The following CATSPERE variants were observed in gnomAD, a reference collection of about 807,000 sequenced individuals.
The protein encoded by CATSPERE is catsper channel auxiliary subunit epsilon.
A neutral mutation model predicts 114.1 loss-of-function variants in CATSPERE; 93 were observed. The observed-to-expected ratio is 0.81, with a 90% CI of 0.69 to 0.97. The LOEUF is 0.97. Among genes scored for constraint, CATSPERE ranks in the 50% least tolerant of loss-of-function variants. CATSPERE has a pLI of 0.00. For missense variants in CATSPERE, 1,058 were observed against 1,131.6 expected (o/e 0.93, Z 0.93); for synonymous variants, 341 against 384.1 (o/e 0.89, Z 1.31).
intron 8 of CATSPERE, among the ~76,000 whole-genome samples, chr1:244,531,987 A>G (rs908717443): frequency 2.0e-5 from 3 of 152,116 alleles, no homozygotes; most frequent in Non-Finnish European, 2.9e-5. Context: ...ACTTTTTACT[A>G]TGGCTTCAAT....
chr1:244,639,257 A>C (rs1675028544), intron 21 of CATSPERE, among the ~76,000 whole-genome samples: 1 of 152,096 alleles, frequency 6.6e-6, no homozygotes, highest in African/African-American at 2.4e-5. Context: ...ACCTTGGTCT[A>C]TTCCTCCACT....
chr1:244,508,303 CT>C (rs1009692394), intron 7 of CATSPERE, among the ~76,000 whole-genome samples: 2,621 of 133,142 alleles, frequency 0.02, 67 homozygotes, highest in African/African-American at 0.065. Flanking sequence ...TTTTTCTTTT[CT>C]TTTTTTTTTT....
At chr1:244,542,080 C>T (rs952725986) in intron 8 of CATSPERE, among the ~76,000 whole-genome samples, 7 of 149,512 alleles carry the variant, frequency 4.7e-5, no homozygotes, top group South Asian at 4.3e-4. Context: ...ATGGGTGCAG[C>T]GCACCAGCAT....
chr1:244,451,931 C>T (rs1665635118), upstream of CATSPERE: 2 of 1,121,280 alleles, frequency 1.8e-6, no homozygotes, highest in Admixed American at 3.2e-5. This position sits in a 1 kb window ranked among gnomAD's most constrained non-coding sequence, Gnocchi z 6.6. Flanking sequence ...CAGAGGCCGG[C>T]CCCGCCCCCG....
At chr1:244,620,434 T>G (rs962956960) in intron 20 of CATSPERE, among the ~76,000 whole-genome samples, 12 of 152,154 alleles carry the variant, frequency 7.9e-5, no homozygotes, top group Non-Finnish European at 1.3e-4. Context: ...TAGAAGCACA[T>G]TGAGTGGGTC....
intron 17 of CATSPERE, among the ~76,000 whole-genome samples, chr1:244,597,257 CT>C (rs1232213797): frequency 1.3e-5 from 2 of 152,150 alleles, no homozygotes; most frequent in Non-Finnish European, 2.9e-5. Flanking sequence ...ATCAACTCTT[CT>C]CCCATTCTCT....
chr1:244,553,567 C>G (rs566593837), intron 9 of CATSPERE, among the ~76,000 whole-genome samples: 1 of 113,944 alleles, frequency 8.8e-6, no homozygotes, highest in Admixed American at 1.2e-4. Flanking sequence ...GGCGACAGAG[C>G]GAGACCCCGT....
intron 8 of CATSPERE, among the ~76,000 whole-genome samples, chr1:244,522,242 A>G (rs1416673130): frequency 6.6e-6 from 1 of 152,226 alleles, no homozygotes; most frequent in Non-Finnish European, 1.5e-5. Context: ...ACTACTGGGT[A>G]CATAACAAAA....
intron 8 of CATSPERE, among the ~76,000 whole-genome samples, chr1:244,521,446 A>G (rs2148373365): frequency 6.6e-6 from 1 of 152,316 alleles, no homozygotes; most frequent in South Asian, 2.1e-4. Context: ...GTTCAGTATC[A>G]TATTTTTAAA....
chr1:244,546,252 GCC>G (rs1659734846), intron 8 of CATSPERE, among the ~76,000 whole-genome samples: 1 of 152,140 alleles, frequency 6.6e-6, no homozygotes, highest in South Asian at 2.1e-4. Context: ...GGCTTAAGGT[GCC>G]CCCCAGTGTT....
chr1:244,490,074 A>C (rs577668670), intron 5 of CATSPERE, among the ~76,000 whole-genome samples: 1 of 152,298 alleles, frequency 6.6e-6, no homozygotes, highest in African/African-American at 2.4e-5. Context: ...TACTTCAAGA[A>C]GCAAAGAGTG....
chr1:244,571,170 C>G (rs1047132774), intron 10 of CATSPERE, among the ~76,000 whole-genome samples: 1 of 152,164 alleles, frequency 6.6e-6, no homozygotes, highest in Non-Finnish European at 1.5e-5. Flanking sequence ...CCCCTTCCAC[C>G]TTGTGATCTA....
chr1:244,464,068 T>G (rs1263810883), intron 2 of CATSPERE, 112 bp downstream of exon 2: 12 of 792,776 alleles, frequency 1.5e-5, no homozygotes, highest in Non-Finnish European at 2.1e-5. Context: ...CTCTTCTGTT[T>G]CGTTTCTTTC....
At chr1:244,596,777 T>A (rs201805053) in intron 17 of CATSPERE, among the ~76,000 whole-genome samples, 14,363 of 142,008 alleles carry the variant, frequency 0.1, 1,010 homozygotes, top group African/African-American at 0.21. Context: ...AAGTAAAATT[T>A]AAAAAAAAAA....
chr1:244,621,212 T>TAC lies in CATSPERE; in HGVS notation c.2648+3527_2648+3528insCA, dbSNP rs371770767. Among the ~76,000 whole-genome samples, 13 of 11,368 alleles carry TAC rather than the reference T, an allele frequency of 1.1e-3. 2 individuals are homozygous for TAC. Among genetic ancestry groups the TAC allele is most frequent in the African/African-American group, 1.4e-3 (6 of 4,184 alleles). The allele number at this position is 11,368 out of a possible 152,430, so 7.5% of individuals were successfully genotyped here. On this transcript the variant is annotated intron_variant, in intron 20 of 21. Transcript: ENST00000366534. ...AGATATATTTATATAGATATATTTA[T>TAC]ATATATATTTATATAAATATATTTA...
upstream of CATSPERE, among the ~76,000 whole-genome samples, chr1:244,452,381 C>T (rs1003184343): frequency 6.6e-6 from 1 of 152,214 alleles, no homozygotes; most frequent in Admixed American, 6.5e-5. Context: ...GTACAAAATA[C>T]AAACTGTGGA....
Position 244,561,420 on chromosome 1 carries a change from G to A in CATSPERE, c.1507+275G>A, listed in dbSNP as rs114504988. 5.7e-3 allele frequency among the ~76,000 whole-genome samples: 875 copies of A among 152,254 alleles called. 4 individuals carry two copies. The highest frequency in any genetic ancestry group is 0.02 in the African/African-American group (820 of 41,536). ...TAACTAAGCAATTTATATATACATCGTAGGGTGTAGGAGGTGCTGTGGTAT... is the reference window on the plus strand; with the variant it reads ...TAACTAAGCAATTTATATATACATCATAGGGTGTAGGAGGTGCTGTGGTAT... On this transcript the variant is annotated intron_variant, in intron 10 of 21. Transcript: ENST00000366534.
At chr1:244,563,855 G>A (rs999202309) in intron 10 of CATSPERE, among the ~76,000 whole-genome samples, 2 of 152,080 alleles carry the variant, frequency 1.3e-5, no homozygotes, top group African/African-American at 4.8e-5. Context: ...GAATGGTATT[G>A]CCTAGGTTTT....
chr1:244,638,208 C>T (rs1185340369), intron 21 of CATSPERE, among the ~76,000 whole-genome samples: 1 of 152,226 alleles, frequency 6.6e-6, no homozygotes, highest in Non-Finnish European at 1.5e-5. Context: ...AGCCCTCTTT[C>T]TCCGATCCAT....
Sources: gnomAD v4.1 joint callset for allele counts (sites outside exome capture counted in the v4.1 genomes callset) on GRCh38, gnomAD v4.1.1 for gene constraint, Gnocchi (gnomAD v3.1) non-coding constraint, MANE v1.5 for transcripts, NCBI Gene and HGNC (gene_info 2026-07-23, HGNC 2026-07-21) for gene names.